The following PTPRK variants were observed in gnomAD, a reference collection of about 807,000 sequenced individuals.
PTPRK encodes the protein receptor-type tyrosine-protein phosphatase kappa.
In PTPRK, 75 loss-of-function variants were observed where a neutral mutation model predicts 178.0. The observed-to-expected ratio is 0.42, with a 90% CI of 0.35 to 0.51. The LOEUF (loss-of-function observed/expected upper bound fraction) is 0.51, where lower values mean the gene tolerates loss of function less well. Among genes scored for constraint, PTPRK ranks in the 20% least tolerant of loss-of-function variants. The probability of loss-of-function intolerance (pLI) is 0.02; values close to 1 mark genes in which losing one functional copy is unlikely to be tolerated. For synonymous variants in PTPRK, 637 were observed against 620.6 expected (o/e 1.03, Z -0.39); for missense variants, 1,441 against 1,797.8 (o/e 0.80, Z 3.59).
chr6:128,345,963 G>T (rs1371097158), intron 2 of PTPRK, among the ~76,000 whole-genome samples: 1 of 152,088 alleles, frequency 6.6e-6, no homozygotes, highest in East Asian at 1.9e-4. Flanking sequence ...AATACCTCTT[G>T]TATCCATTTT....
chr6:128,328,623 T>C (rs900437519), intron 2 of PTPRK, among the ~76,000 whole-genome samples: 1 of 152,182 alleles, frequency 6.6e-6, no homozygotes, highest in Non-Finnish European at 1.5e-5. Flanking sequence ...AGAAACCTTA[T>C]ATTAGAACAA....
chr6:128,292,895 C>T (rs147879573), intron 3 of PTPRK, among the ~76,000 whole-genome samples: 1 of 151,522 alleles, frequency 6.6e-6, no homozygotes, highest in South Asian at 2.1e-4. Flanking sequence ...TAAATGAATG[C>T]CTATCTTGCA....
At chr6:128,446,407 A>G (rs993005770) in intron 1 of PTPRK, among the ~76,000 whole-genome samples, 1 of 152,222 alleles carries the variant, frequency 6.6e-6, no homozygotes, top group Non-Finnish European at 1.5e-5. Flanking sequence ...AGTACTGTAC[A>G]AACCGCTTTC....
At chr6:128,439,752 C>G (rs1334211176) in intron 1 of PTPRK, among the ~76,000 whole-genome samples, 1 of 152,184 alleles carries the variant, frequency 6.6e-6, no homozygotes, top group Admixed American at 6.5e-5. Context: ...TTCTAAACAT[C>G]TGAATGGTTC....
At chr6:128,265,946 C>T (rs1489952176) in intron 3 of PTPRK, among the ~76,000 whole-genome samples, 1 of 152,066 alleles carries the variant, frequency 6.6e-6, no homozygotes, top group Non-Finnish European at 1.5e-5. Flanking sequence ...ATGAGAGATC[C>T]TTGCCTCTTC....
chr6:128,228,591 C>T (rs565622330), intron 5 of PTPRK, among the ~76,000 whole-genome samples: 4 of 147,496 alleles, frequency 2.7e-5, no homozygotes, highest in South Asian at 4.4e-4. Flanking sequence ...ACCCGGGAGG[C>T]GGAGCTTGCA....
intron 13 of PTPRK, among the ~76,000 whole-genome samples, chr6:128,052,046 C>T (rs1039142003): frequency 6.6e-6 from 1 of 152,090 alleles, no homozygotes; most frequent in Non-Finnish European, 1.5e-5. Context: ...ACCATCATAT[C>T]CTCCATATCC....
At chr6:128,210,822 A>G (rs1808011308) in intron 6 of PTPRK, among the ~76,000 whole-genome samples, 1 of 152,146 alleles carries the variant, frequency 6.6e-6, no homozygotes, top group South Asian at 2.1e-4. Flanking sequence ...AATCAGCAAT[A>G]CGTAAATAAC....
intron 3 of PTPRK, among the ~76,000 whole-genome samples, chr6:128,296,162 C>T (rs1243542996): frequency 6.6e-6 from 1 of 152,062 alleles, no homozygotes; most frequent in Non-Finnish European, 1.5e-5. Context: ...TTGCTCACTG[C>T]CATCTAGCCA....
At chr6:128,136,408 G>A (rs535191489) in intron 7 of PTPRK, among the ~76,000 whole-genome samples, 9 of 152,264 alleles carry the variant, frequency 5.9e-5, no homozygotes, top group African/African-American at 2.2e-4. Context: ...CTAAATTTTC[G>A]TGATCTAGGA....
intron 5 of PTPRK, among the ~76,000 whole-genome samples, chr6:128,227,763 C>T (rs1811601245): frequency 6.6e-6 from 1 of 151,952 alleles, no homozygotes; most frequent in African/African-American, 2.4e-5. Flanking sequence ...TAAGCTAAAA[C>T]ATATTACGGA....
rs567202580 is a variant in PTPRK, at chr6:128,112,751, G to A, written c.1163-22759C>T. On this transcript the variant is annotated intron_variant, in intron 7 of 29. Coordinates refer to ENST00000368226, the MANE Select transcript of PTPRK (RefSeq NM_002844.4). ...CCCTTAATAATTCACTAAGCTTTCCGAACATGGAAGCTAAATATAGTTTAG... is the reference window on the plus strand; with the variant it reads ...CCCTTAATAATTCACTAAGCTTTCCAAACATGGAAGCTAAATATAGTTTAG... Among the ~76,000 whole-genome samples the A allele has an allele frequency of 1.1e-4, 17 of 152,110 alleles. No individual in the cohort carries two copies. The South Asian group carries it at 2.3e-3, about 20-fold the overall frequency.
In PTPRK at chr6:127,969,332, T is replaced by A. The variant is rs1056777361; in HGVS notation, c.*895A>T. Reference sequence around the variant, plus strand: ...AAAACTATACATATTCAGCAAAATGTTTTAATTTGGTCCTATATTAAAAGA... The same window carrying A: ...AAAACTATACATATTCAGCAAAATGATTTAATTTGGTCCTATATTAAAAGA... On this transcript the variant is annotated 3_prime_UTR_variant, in exon 30 of 30. Transcript: ENST00000368226. The A allele has an allele frequency of 2.0e-5, 3 of 152,198 alleles. No individual in the cohort carries two copies. Among genetic ancestry groups the A allele is most frequent in the African/African-American group, 7.2e-5 (3 of 41,454 alleles). The allele number at this position is 152,198 out of a possible 1,614,324, so 9.4% of individuals were successfully genotyped here. A position where few individuals can be genotyped will look rare whatever the true frequency, so the allele number is the denominator to read the frequency against.
intron 7 of PTPRK, among the ~76,000 whole-genome samples, chr6:128,120,250 C>G (rs1792242186): frequency 6.6e-6 from 1 of 151,844 alleles, no homozygotes; most frequent in Non-Finnish European, 1.5e-5. Flanking sequence ...TATATTACTA[C>G]TAATAATTTT....
intron 7 of PTPRK, among the ~76,000 whole-genome samples, chr6:128,151,865 AAAAAT>A (rs1164893379): frequency 6.6e-6 from 1 of 152,096 alleles, no homozygotes; most frequent in Admixed American, 6.6e-5. Flanking sequence ...CTAATGAAGA[AAAAAT>A]AAAATAGAGT....
chr6:128,483,764 T>G (rs1019016439), intron 1 of PTPRK, among the ~76,000 whole-genome samples: 3 of 152,160 alleles, frequency 2.0e-5, no homozygotes, highest in Admixed American at 2.0e-4. Flanking sequence ...AGTCAGTGCC[T>G]GCAACTAGTT....
At chr6:128,192,293 A>G (rs1220657391) in intron 6 of PTPRK, among the ~76,000 whole-genome samples, 2 of 152,184 alleles carry the variant, frequency 1.3e-5, no homozygotes, top group Admixed American at 1.3e-4. Context: ...AAGCAAAAGA[A>G]AACATACCAA....
chr6:128,032,041 T>A (rs1775429454), intron 13 of PTPRK, among the ~76,000 whole-genome samples: 1 of 152,170 alleles, frequency 6.6e-6, no homozygotes, highest in South Asian at 2.1e-4. Flanking sequence ...GGAAAGAAGG[T>A]GCTATTTGAA....
intron 2 of PTPRK, among the ~76,000 whole-genome samples, chr6:128,360,517 T>C (rs1834583543): frequency 6.6e-6 from 1 of 152,150 alleles, no homozygotes; most frequent in South Asian, 2.1e-4. Flanking sequence ...AATCACTAAT[T>C]AGCATTTGAG....
Sources: allele counts gnomAD v4.1 joint callset (sites outside exome capture counted in the v4.1 genomes callset), GRCh38; gene constraint gnomAD v4.1.1; transcripts MANE v1.5; gene names NCBI Gene and HGNC (gene_info 2026-07-23, HGNC 2026-07-21).